The following B3GALT1 variants were observed in gnomAD, a reference collection of about 807,000 sequenced individuals.
B3GALT1 encodes the protein UDP-Gal:betaGlcNAc beta 1,3-galactosyltransferase, polypeptide 1.
A neutral mutation model predicts 23.2 loss-of-function variants in B3GALT1; 10 were observed. That is an observed-to-expected ratio of 0.43 (90% CI 0.27 to 0.73). The LOEUF (loss-of-function observed/expected upper bound fraction) is 0.73, where lower values mean the gene tolerates loss of function less well. Among genes scored for constraint, B3GALT1 ranks in the 30% least tolerant of loss-of-function variants. B3GALT1 has a pLI of 0.21. For missense variants in B3GALT1, 299 were observed against 405.4 expected, an observed-to-expected ratio of 0.74 and a Z score of 2.25; for synonymous variants, 156 against 141.5, an observed-to-expected ratio of 1.10 and a Z score of -0.73.
intron 3 of B3GALT1, among the ~76,000 whole-genome samples, chr2:167,690,616 G>T (rs1178918207): frequency 6.6e-6 from 1 of 152,062 alleles, no homozygotes; most frequent in East Asian, 1.9e-4. Context: ...ACAATTCTGT[G>T]TCTTATTTGA....
At chr2:167,564,822 G>C (rs1684122809) in intron 2 of B3GALT1, among the ~76,000 whole-genome samples, 1 of 152,180 alleles carries the variant, frequency 6.6e-6, no homozygotes, top group African/African-American at 2.4e-5. Context: ...CCTCTTGAAG[G>C]AGAACTACAG....
chr2:167,789,624 T>C (rs556318904), intron 3 of B3GALT1, among the ~76,000 whole-genome samples: 1 of 124,860 alleles, frequency 8.0e-6, no homozygotes, highest in South Asian at 2.2e-4. Flanking sequence ...ATTGAGGTAA[T>C]AATAACACCA....
At position 167,870,407 on chromosome 2, in the gene B3GALT1, A is replaced by C; in HGVS notation, c.*387A>C. 5.5e-6 allele frequency: 1 copy of C among 182,042 alleles called. No homozygotes were observed. Among genetic ancestry groups the C allele is most frequent in the South Asian group, 1.7e-4 (1 of 5,966 alleles). The allele number at this position is 182,042 out of a possible 1,614,324, so 11.3% of individuals were successfully genotyped here. On this transcript the variant is annotated 3_prime_UTR_variant, in exon 5 of 5. Transcript: ENST00000392690. ...ACAAATAGAAACCATTTTCAAAAGC[A>C]ATTCAGAAAGGATGCACAGTCAGGA...
intron 1 of B3GALT1, among the ~76,000 whole-genome samples, chr2:167,453,225 C>T (rs1047462408): frequency 7.2e-5 from 11 of 151,990 alleles, no homozygotes; most frequent in Non-Finnish European, 1.6e-4. Context: ...AATGTGCTGG[C>T]GAGGCTAGCG....
chr2:167,850,282 C>T (rs1017608934), intron 4 of B3GALT1, among the ~76,000 whole-genome samples: 1 of 152,150 alleles, frequency 6.6e-6, no homozygotes, highest in African/African-American at 2.4e-5. Context: ...GGCCAACAAG[C>T]ATATGAAAAA....
rs545927338 is a variant in B3GALT1, at chr2:167,416,265, T to C, written c.-510-73912T>C. On this transcript the variant is annotated intron_variant, in intron 1 of 4. Coordinates refer to ENST00000392690, the MANE Select transcript of B3GALT1 (RefSeq NM_020981.4). ...GCTGCCCAGGGTTACCTCAGGTCTCTGCTCCCTTCATTCCAACATAGTCCT... is the reference window on the plus strand; with the variant it reads ...GCTGCCCAGGGTTACCTCAGGTCTCCGCTCCCTTCATTCCAACATAGTCCT... Among the ~76,000 whole-genome samples, 11 of 152,310 alleles carry C rather than the reference T, an allele frequency of 7.2e-5. No individual in the cohort carries two copies. In the East Asian group the frequency reaches 2.1e-3, roughly 29 times the overall value.
At chr2:167,477,846 A>C (rs1476879229) in intron 1 of B3GALT1, among the ~76,000 whole-genome samples, 1 of 152,224 alleles carries the variant, frequency 6.6e-6, no homozygotes, top group Non-Finnish European at 1.5e-5. Context: ...TTGTCCACCC[A>C]TGCTTTTCCT....
intron 3 of B3GALT1, among the ~76,000 whole-genome samples, chr2:167,749,084 C>G: frequency 6.6e-6 from 1 of 152,132 alleles, no homozygotes; most frequent in Non-Finnish European, 1.5e-5. Flanking sequence ...AAGGGTTGGC[C>G]TTAGAACTAG....
chr2:167,636,466 C>T (rs1685558340), intron 2 of B3GALT1, among the ~76,000 whole-genome samples: 1 of 151,944 alleles, frequency 6.6e-6, no homozygotes, highest in Admixed American at 6.6e-5. Flanking sequence ...ACCATTTGAC[C>T]CAGCCATCCC....
chr2:167,463,617 A>G (rs1456725799), intron 1 of B3GALT1, among the ~76,000 whole-genome samples: 1 of 152,138 alleles, frequency 6.6e-6, no homozygotes, highest in Admixed American at 6.5e-5. Flanking sequence ...GCAATAGCAC[A>G]TGTTTCAGAT....
intron 1 of B3GALT1, among the ~76,000 whole-genome samples, chr2:167,444,976 T>A (rs1698957612): frequency 2.0e-5 from 3 of 152,244 alleles, no homozygotes; most frequent in Admixed American, 1.3e-4. Flanking sequence ...ATTTTAGATC[T>A]TTCCTGCTTT....
At chr2:167,662,921 A>G (rs1244471881) in intron 3 of B3GALT1, among the ~76,000 whole-genome samples, 2 of 150,608 alleles carry the variant, frequency 1.3e-5, no homozygotes, top group Admixed American at 6.7e-5. Context: ...CCAAGTCTGC[A>G]TTAATGTCAC....
intron 3 of B3GALT1, among the ~76,000 whole-genome samples, chr2:167,697,166 C>A (rs1558951828): frequency 6.6e-6 from 1 of 152,084 alleles, no homozygotes; most frequent in Non-Finnish European, 1.5e-5. Flanking sequence ...ATAGAAATAA[C>A]TATGTTTTGA....
intron 3 of B3GALT1, chr2:167,716,177 C>T (rs1687143366): frequency 2.3e-5 from 26 of 1,119,734 alleles, no homozygotes; most frequent in Non-Finnish European, 3.0e-5. Context: ...CCAACCGGAG[C>T]GGACTACTGC....
In B3GALT1 at chr2:167,475,740, C is replaced by T. The variant is rs1328955057; in HGVS notation, c.-510-14437C>T. Among the ~76,000 whole-genome samples the T allele has an allele frequency of 3.3e-5, 5 of 152,142 alleles. No homozygotes were observed. In the East Asian group the frequency reaches 7.7e-4, roughly 24 times the overall value. ...GGGGTACTACCATACCACATACTGG[C>T]GGGCTCAAACAGTAGAAATTAATTG... On this transcript the variant is annotated intron_variant, in intron 1 of 4. Transcript: ENST00000392690.
chr2:167,690,677 A>G (rs1006331592), intron 3 of B3GALT1, among the ~76,000 whole-genome samples: 4 of 152,140 alleles, frequency 2.6e-5, no homozygotes, highest in African/African-American at 7.2e-5. Context: ...AAGAGCTGAA[A>G]TAGTTTTATT....
chr2:167,590,645 G>T (rs1684664109), intron 2 of B3GALT1, among the ~76,000 whole-genome samples: 1 of 152,218 alleles, frequency 6.6e-6, no homozygotes, highest in African/African-American at 2.4e-5. Context: ...GGCTATTTAA[G>T]ATGACTTAGT....
At chr2:167,785,938 A>G (rs1436727315) in intron 3 of B3GALT1, among the ~76,000 whole-genome samples, 1 of 152,248 alleles carries the variant, frequency 6.6e-6, no homozygotes, top group Admixed American at 6.5e-5. Flanking sequence ...CCGATTTCAT[A>G]GTAGTAAACT....
intron 2 of B3GALT1, among the ~76,000 whole-genome samples, chr2:167,598,101 G>C (rs1312368187): frequency 6.6e-6 from 1 of 152,088 alleles, no homozygotes; most frequent in Non-Finnish European, 1.5e-5. Flanking sequence ...TGTGTTTGTT[G>C]AACTAAAGAA....
Sources: allele counts gnomAD v4.1 joint callset (sites outside exome capture counted in the v4.1 genomes callset), GRCh38; gene constraint gnomAD v4.1.1; transcripts MANE v1.5; gene names NCBI Gene and HGNC (gene_info 2026-07-23, HGNC 2026-07-21).